EPHA6: variants seen among roughly 807,000 people sequenced by gnomAD.
The protein encoded by EPHA6 is ephrin type-A receptor 6.
EPHA6 carries 50 observed loss-of-function variants against 112.0 expected under a neutral mutation model. The observed-to-expected ratio is 0.45, with a 90% CI of 0.36 to 0.56. The LOEUF (loss-of-function observed/expected upper bound fraction) is 0.56. Ranked by LOEUF, EPHA6 falls within the 20% of genes least tolerant of loss-of-function variation. The pLI, the probability that EPHA6 is intolerant of heterozygous loss-of-function variation, is 0.00. For missense variants in EPHA6, 1,280 were observed against 1,417.4 expected (o/e 0.90, Z 1.56); for synonymous variants, 529 against 490.7 (o/e 1.08, Z -1.03).
rs79607051 is a variant in EPHA6 at position 96,833,096 on chromosome 3, C to G, written c.385+18088C>G. On this transcript the variant is annotated intron_variant, in intron 1 of 17. Transcript: ENST00000389672. ...AAATTCGTATGTTGAAGCCTTAACT[C>G]CTAGTGCCTCAGAATGTGACCTTCT... 5.5e-3 allele frequency among the ~76,000 whole-genome samples: 839 copies of G among 151,214 alleles called. 14 individuals carry two copies. The highest frequency in any genetic ancestry group is 0.019 in the African/African-American group (787 of 41,186).
chr3:97,065,306 A>G (rs1287284578), intron 3 of EPHA6, among the ~76,000 whole-genome samples: 2 of 152,284 alleles, frequency 1.3e-5, no homozygotes, highest in East Asian at 3.9e-4. Flanking sequence ...ATCACATTGA[A>G]TCTCTTGGTT....
chr3:96,882,768 G>GTGTGTA lies in EPHA6; in HGVS notation c.450+15880_450+15881insGTGTAT, dbSNP rs774521290. ...TGTGTGTGTGTGTGTGTGTGTGTGTGTATAGTCAATCATCAATCTATGTGA... is the reference window on the plus strand; with the variant it reads ...TGTGTGTGTGTGTGTGTGTGTGTGTGTGTGTATATAGTCAATCATCAATCTATGTGA... On this transcript the variant is annotated intron_variant, in intron 2 of 17. Transcript: ENST00000389672. Among the ~76,000 whole-genome samples the GTGTGTA allele has an allele frequency of 4.9e-3, 724 of 148,892 alleles. 26 individuals are homozygous for GTGTGTA. Among genetic ancestry groups the GTGTGTA allele is most frequent in the African/African-American group, 0.017 (691 of 39,720 alleles).
intron 3 of EPHA6, among the ~76,000 whole-genome samples, chr3:97,005,265 A>G (rs2043833708): frequency 6.6e-6 from 1 of 152,062 alleles, no homozygotes; most frequent in Admixed American, 6.5e-5. Context: ...ATGTTTTCCC[A>G]TTTGTTTATG....
chr3:97,419,005 T>C (rs2088369823), intron 6 of EPHA6, among the ~76,000 whole-genome samples: 1 of 152,122 alleles, frequency 6.6e-6, no homozygotes, highest in Admixed American at 6.5e-5. Flanking sequence ...CTAAGTATCT[T>C]ACTTAAGAAT....
chr3:97,705,613 T>C (rs1252517756), intron 14 of EPHA6, among the ~76,000 whole-genome samples: 5 of 152,076 alleles, frequency 3.3e-5, no homozygotes, highest in African/African-American at 9.7e-5. Flanking sequence ...CACTGAATAT[T>C]TGGCAGCAAG....
intron 11 of EPHA6, among the ~76,000 whole-genome samples, chr3:97,533,092 A>G (rs2092713701): frequency 6.6e-6 from 1 of 152,006 alleles, no homozygotes; most frequent in African/African-American, 2.4e-5. Flanking sequence ...TATTCCTTTG[A>G]AAAGAAATGT....
chr3:97,234,572 C>A (rs567503324), intron 4 of EPHA6, among the ~76,000 whole-genome samples: 3 of 152,030 alleles, frequency 2.0e-5, no homozygotes, highest in Non-Finnish European at 2.9e-5. Context: ...TGACACTTAT[C>A]CTGTTGATCA....
At chr3:97,064,259 A>C (rs147285069) in intron 3 of EPHA6, among the ~76,000 whole-genome samples, 1 of 152,292 alleles carries the variant, frequency 6.6e-6, no homozygotes, top group African/African-American at 2.4e-5. Flanking sequence ...TGACAATATG[A>C]ATATCAAGTT....
At chr3:97,652,471 A>C (rs968308763) in intron 14 of EPHA6, among the ~76,000 whole-genome samples, 2 of 152,106 alleles carry the variant, frequency 1.3e-5, no homozygotes, top group Non-Finnish European at 2.9e-5. Flanking sequence ...TTTATATGTC[A>C]GTTATAGTTA....
Position 97,611,673 on chromosome 3 carries a change from GTCTA to G in EPHA6, c.2574+823_2574+826del, listed in dbSNP as rs557463427. 6.3e-3 allele frequency among the ~76,000 whole-genome samples: 955 copies of G among 151,624 alleles called. 13 individuals carry two copies. The highest frequency in any genetic ancestry group is 0.021 in the African/African-American group (854 of 41,324). ...CTGTATTTTTAATATCTATCTATCT[GTCTA>G]TCTGTCTATCTATCTATATATATAT... On this transcript the variant is annotated intron_variant, in intron 13 of 17. Transcript: ENST00000389672.
chr3:97,090,876 A>T (rs889183046), intron 3 of EPHA6, among the ~76,000 whole-genome samples: 4 of 152,232 alleles, frequency 2.6e-5, no homozygotes, highest in African/African-American at 9.6e-5. Flanking sequence ...ACTCAGGAAA[A>T]TTTGAAAGCA....
chr3:97,117,360 C>G (rs1313731027), intron 3 of EPHA6, among the ~76,000 whole-genome samples: 1 of 151,384 alleles, frequency 6.6e-6, no homozygotes, highest in Non-Finnish European at 1.5e-5. Context: ...TTGCTTTTGT[C>G]TTTTGTGTTT....
At chr3:97,546,883 A>C in intron 11 of EPHA6, among the ~76,000 whole-genome samples, 1 of 152,174 alleles carries the variant, frequency 6.6e-6, no homozygotes, top group Non-Finnish European at 1.5e-5. Flanking sequence ...TGCATTCGTC[A>C]CGTAGCTCTC....
chr3:97,013,654 A>C (rs1466980529), intron 3 of EPHA6, among the ~76,000 whole-genome samples: 1 of 152,180 alleles, frequency 6.6e-6, no homozygotes, highest in African/African-American at 2.4e-5. Context: ...TACACTTTGT[A>C]TACTTAGCTT....
intron 3 of EPHA6, among the ~76,000 whole-genome samples, chr3:97,157,036 C>T (rs1379254743): frequency 6.6e-6 from 1 of 152,076 alleles, no homozygotes; most frequent in East Asian, 1.9e-4. Context: ...AAGAGTAGAG[C>T]TTATTTTTGA....
At position 97,757,356 on chromosome 3, in the gene EPHA6, A is replaced by G. The variant is rs1186511200; in HGVS notation, c.*8655A>G. Among the ~76,000 whole-genome samples, 2 of 151,840 alleles carry G rather than the reference A, an allele frequency of 1.3e-5. No homozygotes were observed. The highest frequency in any genetic ancestry group is 3.0e-5 in the Non-Finnish European group (2 of 67,748). On this transcript the variant is annotated 3_prime_UTR_variant, in exon 18 of 18. Transcript: ENST00000389672. Reference sequence around the variant, plus strand: ...ATACAATTAGAAAGAAATGTCATCAAAATATCAAAAATAGGAAAAAGTTCA... The same window carrying G: ...ATACAATTAGAAAGAAATGTCATCAGAATATCAAAAATAGGAAAAAGTTCA...
chr3:96,865,217 G>A (rs1303995464), intron 1 of EPHA6, among the ~76,000 whole-genome samples: 1 of 152,086 alleles, frequency 6.6e-6, no homozygotes, highest in African/African-American at 2.4e-5. Context: ...ATTCTGCAAT[G>A]AGTAAGTAGA....
chr3:96,898,017 C>T (rs1181261678), intron 2 of EPHA6, among the ~76,000 whole-genome samples: 3 of 152,012 alleles, frequency 2.0e-5, no homozygotes, highest in South Asian at 4.2e-4. Context: ...TATTTTAAAA[C>T]CTAAAAATGA....
chr3:97,557,089 A>T (rs1015684777), intron 11 of EPHA6, among the ~76,000 whole-genome samples: 1 of 152,028 alleles, frequency 6.6e-6, no homozygotes. Flanking sequence ...TTATCATAGG[A>T]TAGATTCATA....
Sources: allele counts gnomAD v4.1 joint callset (sites outside exome capture counted in the v4.1 genomes callset), GRCh38; gene constraint gnomAD v4.1.1; transcripts MANE v1.5; gene names NCBI Gene and HGNC (gene_info 2026-07-23, HGNC 2026-07-21).